Variants in RPTOR observed in about 807,000 individuals in gnomAD.
RPTOR encodes regulatory associated protein of MTOR complex 1.
RPTOR carries 21 observed loss-of-function variants against 169.9 expected under a neutral mutation model. The ratio of observed to expected loss-of-function variants is 0.12; its 90% CI spans 0.09 to 0.18. The LOEUF is 0.18. Ranked by LOEUF, RPTOR falls within the 10% of genes least tolerant of loss-of-function variation. The probability of loss-of-function intolerance (pLI) is 1.00; values close to 1 mark genes in which losing one functional copy is unlikely to be tolerated. For synonymous variants in RPTOR, 732 were observed against 753.2 expected, an observed-to-expected ratio of 0.97 and a Z score of 0.46; for missense variants, 1,133 against 1,855.9, an observed-to-expected ratio of 0.61 and a Z score of 7.16.
At chr17:80,897,462 A>G (rs1336377652) in intron 20 of RPTOR, among the ~76,000 whole-genome samples, 1 of 152,222 alleles carries the variant, frequency 6.6e-6, no homozygotes, top group South Asian at 2.1e-4. Flanking sequence ...TTCCTGATAA[A>G]TGGAATTAAT....
At chr17:80,688,237 G>A (rs2065963722) in intron 3 of RPTOR, among the ~76,000 whole-genome samples, 1 of 152,148 alleles carries the variant, frequency 6.6e-6, no homozygotes, top group African/African-American at 2.4e-5. Flanking sequence ...GAAACTAGAA[G>A]TTAGACACTA....
At chr17:80,576,385 A>G (rs1199724153) in intron 1 of RPTOR, among the ~76,000 whole-genome samples, 2 of 152,218 alleles carry the variant, frequency 1.3e-5, no homozygotes, top group African/African-American at 2.4e-5. Context: ...AAAAAGTACA[A>G]CGTCCGTCAT....
intron 3 of RPTOR, among the ~76,000 whole-genome samples, chr17:80,704,433 T>A (rs1204432633): frequency 6.6e-6 from 1 of 152,190 alleles, no homozygotes; most frequent in South Asian, 2.1e-4. Flanking sequence ...CAGTGATGAA[T>A]CCAGAATGTG....
At chr17:80,596,713 T>C (rs1477577597) in intron 1 of RPTOR, among the ~76,000 whole-genome samples, 2 of 152,214 alleles carry the variant, frequency 1.3e-5, no homozygotes, top group Non-Finnish European at 2.9e-5. Context: ...CAATATCTCA[T>C]TAGATAAGGC....
intron 1 of RPTOR, among the ~76,000 whole-genome samples, chr17:80,615,565 A>G (rs751460554): frequency 2.0e-5 from 3 of 152,162 alleles, no homozygotes; most frequent in Non-Finnish European, 4.4e-5. Context: ...GCTTATTACT[A>G]GGTTTTCAGC....
chr17:80,827,887 A>C (rs28742979), intron 9 of RPTOR, among the ~76,000 whole-genome samples: 1 of 152,062 alleles, frequency 6.6e-6, no homozygotes, highest in African/African-American at 2.4e-5. Context: ...TACGATTTTT[A>C]CTATCAATAT....
chr17:80,867,012 T>G lies in RPTOR; in HGVS notation c.1509+9112T>G, dbSNP rs540871970. Reference sequence around the variant, plus strand: ...ATCTAAGCACCTTCCCATATTGTTCTATGAGGCCAGCATTACCTGATACCA... The same window carrying G: ...ATCTAAGCACCTTCCCATATTGTTCGATGAGGCCAGCATTACCTGATACCA... On this transcript the variant is annotated intron_variant, in intron 13 of 33. Coordinates refer to ENST00000306801, the MANE Select transcript of RPTOR (RefSeq NM_020761.3). 1.3e-5 allele frequency among the ~76,000 whole-genome samples: 2 copies of G among 152,328 alleles called. 1 individual carries two copies. Among genetic ancestry groups the G allele is most frequent in the South Asian group, 4.1e-4 (2 of 4,830 alleles).
At chr17:80,914,342 C>A (rs993798267) in intron 21 of RPTOR, among the ~76,000 whole-genome samples, 4 of 152,160 alleles carry the variant, frequency 2.6e-5, no homozygotes, top group Non-Finnish European at 5.9e-5. Flanking sequence ...CTCTTGGGGG[C>A]CGGGAGCAGG....
intron 11 of RPTOR, 25 bp downstream of exon 11, chr17:80,846,599 A>G: frequency 6.2e-7 from 1 of 1,604,480 alleles, no homozygotes; most frequent in Non-Finnish European, 8.5e-7. Flanking sequence ...ACCGGGCCAG[A>G]CAGCCGAGGT....
In RPTOR at chr17:80,633,548, G is replaced by A. The variant is rs1599619403; in HGVS notation, c.265+7755G>A. On this transcript the variant is annotated intron_variant, in intron 2 of 33. Coordinates refer to ENST00000306801, the MANE Select transcript of RPTOR (RefSeq NM_020761.3). This position sits in a 1 kb window ranked among gnomAD's most constrained non-coding sequence, Gnocchi z 4.1. ...CATGCTTCGCTGGCAGGAGCATCAC[G>A]CAGAGCTGCCTGCTTCACGCGGGCT... is the stretch of plus-strand genomic sequence containing the variant. 1.3e-5 allele frequency among the ~76,000 whole-genome samples: 2 copies of A among 152,234 alleles called. No homozygotes were observed. The highest frequency in any genetic ancestry group is 1.3e-4 in the Admixed American group (2 of 15,290).
Position 80,747,448 on chromosome 17 carries a change from G to A in RPTOR, c.655-6562G>A, listed in dbSNP as rs1024162775. 3.9e-5 allele frequency among the ~76,000 whole-genome samples: 6 copies of A among 152,154 alleles called. No individual in the cohort carries two copies. The East Asian group carries it at 1.2e-3, about 29-fold the overall frequency. ...CATGTCTTCTTGTCTATACATCAAC[G>A]TACTTTGGGGGGCTTCTTAAATAGG... On this transcript the variant is annotated intron_variant, in intron 5 of 33. Coordinates refer to ENST00000306801, the MANE Select transcript of RPTOR (RefSeq NM_020761.3).
intron 1 of RPTOR, among the ~76,000 whole-genome samples, chr17:80,553,017 A>G (rs2084364160): frequency 6.6e-6 from 1 of 152,208 alleles, no homozygotes; most frequent in Admixed American, 6.5e-5. Context: ...AACTGTTTTC[A>G]TAATAATGGA....
At chr17:80,744,515 GAGCACAGCCCTGGCTACT>G (rs1370649713) in intron 5 of RPTOR, among the ~76,000 whole-genome samples, 2 of 1,854 alleles carry the variant, frequency 1.1e-3, no homozygotes, top group Non-Finnish European at 2.8e-3. Context: ...TCCTGGTTAC[GAGCACAGCCCTGGCTACT>G]AGCACAGCCC....
intron 3 of RPTOR, among the ~76,000 whole-genome samples, chr17:80,661,912 A>G (rs1014294059): frequency 1.3e-5 from 2 of 152,198 alleles, no homozygotes; most frequent in African/African-American, 2.4e-5. Context: ...AATTCAGTCA[A>G]AACAACAGAT....
intron 1 of RPTOR, among the ~76,000 whole-genome samples, chr17:80,552,258 T>C (rs997046361): frequency 6.6e-6 from 1 of 152,218 alleles, no homozygotes; most frequent in Admixed American, 6.5e-5. Context: ...CTCAGACTCC[T>C]CTTGCTGGTT....
chr17:80,603,537 C>T (rs1159081868), intron 1 of RPTOR, among the ~76,000 whole-genome samples: 1 of 152,202 alleles, frequency 6.6e-6, no homozygotes, highest in African/African-American at 2.4e-5. Flanking sequence ...GTCCCCAAGA[C>T]CACTTCCTGC....
intron 6 of RPTOR, among the ~76,000 whole-genome samples, chr17:80,788,570 G>A (rs188819466): frequency 4.4e-4 from 67 of 152,216 alleles, no homozygotes; most frequent in African/African-American, 1.5e-3. Flanking sequence ...GTGTTAATCT[G>A]GTTCTTGTTT....
intron 24 of RPTOR, 98 bp downstream of exon 24, chr17:80,925,578 C>T (rs1235769827): frequency 2.1e-5 from 20 of 970,746 alleles, no homozygotes; most frequent in East Asian, 5.0e-5. Context: ...GCTGTGGGAG[C>T]GTCCCATTGT....
At chr17:80,595,717 A>G (rs949285314) in intron 1 of RPTOR, among the ~76,000 whole-genome samples, 1 of 152,162 alleles carries the variant, frequency 6.6e-6, no homozygotes, top group Admixed American at 6.5e-5. Context: ...TCGGCCTCCC[A>G]AAGTGTTGGG....
Sources: allele counts gnomAD v4.1 joint callset (sites outside exome capture counted in the v4.1 genomes callset), GRCh38; gene constraint gnomAD v4.1.1; non-coding constraint Gnocchi (gnomAD v3.1); transcripts MANE v1.5; gene names NCBI Gene and HGNC (gene_info 2026-07-23, HGNC 2026-07-21).